Variants in MEI4 observed in about 807,000 individuals in gnomAD.
MEI4 encodes the protein meiotic double-stranded break formation protein 4.
In MEI4, 27 loss-of-function variants were observed where a neutral mutation model predicts 31.4. The ratio of observed to expected loss-of-function variants is 0.86; its 90% confidence interval spans 0.63 to 1.19. The LOEUF (loss-of-function observed/expected upper bound fraction) is 1.19. Among genes scored for constraint, MEI4 ranks in the 50% most tolerant of loss-of-function variants. The pLI is 0.00. For synonymous variants in MEI4, 122 were observed against 145.4 expected (o/e 0.84, Z 1.16); for missense variants, 329 against 398.9 (o/e 0.82, Z 1.49).
chr6:77,897,592 G>A (rs571750604), intron 4 of MEI4, among the ~76,000 whole-genome samples: 2 of 151,888 alleles, frequency 1.3e-5, no homozygotes, highest in South Asian at 2.1e-4. Flanking sequence ...TACGAAAAAA[G>A]GGTAAAATGT....
At chr6:77,853,003 A>C (rs1439236415) in intron 4 of MEI4, among the ~76,000 whole-genome samples, 2 of 152,136 alleles carry the variant, frequency 1.3e-5, no homozygotes, top group Non-Finnish European at 2.9e-5. Context: ...GTTTGAGACC[A>C]GCCTGACCAA....
At chr6:77,703,932 G>C (rs75926831) in intron 2 of MEI4, among the ~76,000 whole-genome samples, 1 of 152,138 alleles carries the variant, frequency 6.6e-6, no homozygotes, top group Non-Finnish European at 1.5e-5. Flanking sequence ...TGAGGGCGGG[G>C]GTTGGTAGTT....
chr6:77,738,681 A>G (rs1309332358), intron 2 of MEI4, among the ~76,000 whole-genome samples: 2 of 152,172 alleles, frequency 1.3e-5, no homozygotes, highest in East Asian at 3.9e-4. Context: ...GTATTCTACA[A>G]TTGTTCAACT....
intron 1 of MEI4, among the ~76,000 whole-genome samples, chr6:77,658,269 G>A (rs1013815866): frequency 1.3e-5 from 2 of 152,102 alleles, no homozygotes; most frequent in Admixed American, 1.3e-4. Context: ...TTAAGGGTGG[G>A]GGAGATTACA....
At chr6:77,755,791 A>G (rs549429312) in intron 2 of MEI4, among the ~76,000 whole-genome samples, 1 of 151,544 alleles carries the variant, frequency 6.6e-6, no homozygotes, top group East Asian at 1.9e-4. Flanking sequence ...ATAATAAAAA[A>G]CATGAAACAA....
intron 3 of MEI4, among the ~76,000 whole-genome samples, chr6:77,825,150 T>TA (rs1769914578): frequency 6.6e-6 from 1 of 152,198 alleles, no homozygotes. Flanking sequence ...GACTCAAGGA[T>TA]AAAAATGATT....
chr6:77,785,390 A>G (rs1268134999), intron 3 of MEI4, among the ~76,000 whole-genome samples: 1 of 152,166 alleles, frequency 6.6e-6, no homozygotes, highest in South Asian at 2.1e-4. Context: ...CTAATTTGGT[A>G]TCTAGAAATA....
chr6:77,685,393 G>A (rs1484561232), intron 1 of MEI4, among the ~76,000 whole-genome samples: 2 of 150,292 alleles, frequency 1.3e-5, no homozygotes, highest in Non-Finnish European at 3.0e-5. Flanking sequence ...GGTTGCCTGT[G>A]CATATGGGGA....
intron 2 of MEI4, among the ~76,000 whole-genome samples, chr6:77,733,893 G>C (rs762748254): frequency 6.6e-6 from 1 of 152,040 alleles, no homozygotes; most frequent in East Asian, 1.9e-4. Context: ...GTACCCAGTA[G>C]TCATTCAGGA....
chr6:77,656,541 T>G (rs1251848990), intron 1 of MEI4, among the ~76,000 whole-genome samples: 1 of 152,164 alleles, frequency 6.6e-6, no homozygotes, highest in Non-Finnish European at 1.5e-5. Flanking sequence ...TCACAGTAGA[T>G]TAAATGTTCC....
At chr6:77,743,184 A>G (rs1008670211) in intron 2 of MEI4, among the ~76,000 whole-genome samples, 7 of 152,208 alleles carry the variant, frequency 4.6e-5, no homozygotes, top group African/African-American at 1.4e-4. Context: ...TGATGGGGAT[A>G]GCATTGAATC....
intron 1 of MEI4, among the ~76,000 whole-genome samples, chr6:77,681,361 C>T (rs13197085): frequency 0.092 from 14,003 of 152,162 alleles, 939 homozygotes; most frequent in East Asian, 0.31. Flanking sequence ...AATATATTAT[C>T]TTTGTGATGA....
upstream of MEI4, among the ~76,000 whole-genome samples, chr6:77,652,875 GTGATAAC>G (rs1239597551): frequency 6.6e-6 from 1 of 152,162 alleles, no homozygotes; most frequent in Admixed American, 6.5e-5. Context: ...AACTGCAATT[GTGATAAC>G]TGATAGAAAC....
At chr6:77,887,172 GT>G in intron 4 of MEI4, among the ~76,000 whole-genome samples, 1 of 146,082 alleles carries the variant, frequency 6.8e-6, no homozygotes, top group South Asian at 2.2e-4. Context: ...ATTTTATTTT[GT>G]TTCAAGAGGT....
intron 3 of MEI4, among the ~76,000 whole-genome samples, chr6:77,802,481 A>G (rs1769293790): frequency 6.6e-6 from 1 of 152,112 alleles, no homozygotes; most frequent in Admixed American, 6.5e-5. Flanking sequence ...TTTAAAGTTA[A>G]TATTGTTATG....
chr6:77,749,206 C>T (rs568354430), intron 2 of MEI4, among the ~76,000 whole-genome samples: 1 of 152,136 alleles, frequency 6.6e-6, no homozygotes, highest in African/African-American at 2.4e-5. Flanking sequence ...CCCAGAACAC[C>T]TCTTCTCCTC....
intron 2 of MEI4, among the ~76,000 whole-genome samples, chr6:77,753,587 A>C (rs548373752): frequency 6.6e-6 from 1 of 152,222 alleles, no homozygotes; most frequent in Middle Eastern, 3.2e-3. Flanking sequence ...CAATCATTAA[A>C]AAGTCAGGAA....
At chr6:77,692,736 T>C (rs1438322445) in intron 2 of MEI4, among the ~76,000 whole-genome samples, 3 of 152,046 alleles carry the variant, frequency 2.0e-5, no homozygotes, top group Non-Finnish European at 4.4e-5. Flanking sequence ...ATTGTGATAC[T>C]TTCAATTCAG....
At chr6:77,911,166 G>T (rs1008869652) in intron 4 of MEI4, among the ~76,000 whole-genome samples, 3 of 151,796 alleles carry the variant, frequency 2.0e-5, no homozygotes, top group Admixed American at 6.6e-5. Context: ...CTGGATATTA[G>T]TCCATTTATT....
Sources: allele counts gnomAD v4.1 joint callset (sites outside exome capture counted in the v4.1 genomes callset), GRCh38; gene constraint gnomAD v4.1.1; transcripts MANE v1.5; gene names NCBI Gene and HGNC (gene_info 2026-07-23, HGNC 2026-07-21).